Variants in WASF2 observed in about 807,000 individuals in gnomAD.
WASF2 encodes the protein WASP family member 2.
WASF2 carries 14 observed loss-of-function variants against 45.0 expected under a neutral mutation model. The observed-to-expected ratio is 0.31, with a 90% confidence interval of 0.21 to 0.49. The LOEUF (loss-of-function observed/expected upper bound fraction) is 0.49. Ranked by LOEUF, WASF2 falls within the 20% of genes least tolerant of loss-of-function variation. The pLI, the probability that WASF2 is intolerant of heterozygous loss-of-function variation, is 0.99. For synonymous variants in WASF2, 200 were observed against 236.3 expected, an observed-to-expected ratio of 0.85 and a Z score of 1.41; for missense variants, 439 against 636.1, an observed-to-expected ratio of 0.69 and a Z score of 3.33.
intron 1 of WASF2, among the ~76,000 whole-genome samples, chr1:27,437,404 C>T (rs1216812753): frequency 6.6e-6 from 1 of 152,128 alleles, no homozygotes; most frequent in Non-Finnish European, 1.5e-5. Flanking sequence ...CCCTCTAGTC[C>T]AGCTGTAAAC....
At chr1:27,442,990 CAAAAA>C (rs782114128) in intron 1 of WASF2, among the ~76,000 whole-genome samples, 1 of 64,240 alleles carries the variant, frequency 1.6e-5, no homozygotes, top group Admixed American at 1.9e-4. Flanking sequence ...GACTCTGTCT[CAAAAA>C]AAAAAAAAAA....
intron 3 of WASF2, 114 bp from the exon 4 acceptor site, chr1:27,418,536 A>T: frequency 7.0e-7 from 1 of 1,437,610 alleles, no homozygotes. Context: ...GGCTGTCCGC[A>T]GCCAGGCTTT....
intron 1 of WASF2, among the ~76,000 whole-genome samples, chr1:27,477,048 C>T (rs2017775375): frequency 6.6e-6 from 1 of 152,176 alleles, no homozygotes; most frequent in East Asian, 1.9e-4. Context: ...AAAATACTGG[C>T]TGTCATTATG....
intron 1 of WASF2, among the ~76,000 whole-genome samples, chr1:27,462,133 G>T (rs1232110321): frequency 2.0e-5 from 3 of 151,526 alleles, no homozygotes; most frequent in Non-Finnish European, 2.9e-5. Context: ...ACATGCCACC[G>T]TTCCCGGCGA....
At chr1:27,433,162 T>G (rs2017089096) in intron 1 of WASF2, among the ~76,000 whole-genome samples, 1 of 152,340 alleles carries the variant, frequency 6.6e-6, no homozygotes, top group East Asian at 1.9e-4. Context: ...ACTCTAGCCT[T>G]CAAAGGAATT....
At chr1:27,456,104 C>T (rs1412826336) in intron 1 of WASF2, among the ~76,000 whole-genome samples, 1 of 152,114 alleles carries the variant, frequency 6.6e-6, no homozygotes, top group African/African-American at 2.4e-5. Flanking sequence ...AGGCGGATCA[C>T]GAGGTCAGAA....
At chr1:27,427,329 G>A (rs2017000654) in intron 2 of WASF2, among the ~76,000 whole-genome samples, 1 of 152,210 alleles carries the variant, frequency 6.6e-6, no homozygotes, top group South Asian at 2.1e-4. Context: ...ACTTCAGTAA[G>A]TGGAAATAAG....
chr1:27,437,920 CA>C (rs1247047124), intron 1 of WASF2, among the ~76,000 whole-genome samples: 16 of 152,108 alleles, frequency 1.1e-4, no homozygotes, highest in African/African-American at 3.6e-4. Context: ...CAAACCTCAA[CA>C]AATCAGTTCA....
At chr1:27,455,848 A>G (rs1002897370) in intron 1 of WASF2, among the ~76,000 whole-genome samples, 4 of 152,178 alleles carry the variant, frequency 2.6e-5, no homozygotes, top group Non-Finnish European at 5.9e-5. Context: ...TTACTTTATT[A>G]TAGAATCCAT....
chr1:27,408,135 A>C lies in WASF2; in HGVS notation c.*54T>G. The C allele has an allele frequency of 6.3e-7, 1 of 1,586,868 alleles. No individual in the cohort carries two copies. Among genetic ancestry groups the C allele is most frequent in the South Asian group, 1.1e-5 (1 of 87,478 alleles). ...CTACGGGTCTGTTGGGGTTGGCATCAAAGAAGGCAGGTAGGAAGGAAAGAA... is the reference window on the plus strand; with the variant it reads ...CTACGGGTCTGTTGGGGTTGGCATCCAAGAAGGCAGGTAGGAAGGAAAGAA... On this transcript the variant is annotated 3_prime_UTR_variant, in exon 9 of 9. Transcript: ENST00000618852.
chr1:27,473,803 G>A (rs1051072433), intron 1 of WASF2, among the ~76,000 whole-genome samples: 1 of 152,176 alleles, frequency 6.6e-6, no homozygotes, highest in Admixed American at 6.5e-5. Context: ...AGAAAGATAA[G>A]TATTTACCTA....
intron 1 of WASF2, among the ~76,000 whole-genome samples, chr1:27,474,914 T>C (rs549882312): frequency 2.0e-5 from 3 of 152,232 alleles, no homozygotes; most frequent in East Asian, 3.9e-4. Context: ...ATCGCACCAC[T>C]GCACTCCAGC....
chr1:27,477,322 G>C (rs984343474), intron 1 of WASF2, among the ~76,000 whole-genome samples: 3 of 151,710 alleles, frequency 2.0e-5, no homozygotes, highest in Non-Finnish European at 4.4e-5. Context: ...GGCAGATCAC[G>C]TGAGGCCAGG....
chr1:27,487,524 ATT>A (rs1176472455), intron 1 of WASF2, among the ~76,000 whole-genome samples: 1 of 109,626 alleles, frequency 9.1e-6, no homozygotes, highest in African/African-American at 3.6e-5. Context: ...TATTATATAT[ATT>A]TTATACAATA....
At position 27,468,718 on chromosome 1, in the gene WASF2, G is replaced by A. The variant is rs12037274; in HGVS notation, c.-44+21268C>T. ...AAAGAGGCCGGGCACGGTGGTTCAC[G>A]CCTGTAATCCCAGCACTTTGGGAGG... On this transcript the variant is annotated intron_variant, in intron 1 of 8. Transcript: ENST00000618852. 4.0e-5 allele frequency among the ~76,000 whole-genome samples: 6 copies of A among 151,000 alleles called. No individual in the cohort carries two copies. The East Asian group carries it at 5.9e-4, about 15-fold the overall frequency.
chr1:27,413,997 A>G (rs1458664005), intron 6 of WASF2, among the ~76,000 whole-genome samples: 1 of 152,226 alleles, frequency 6.6e-6, no homozygotes, highest in South Asian at 2.1e-4. Flanking sequence ...TTTTCATGGT[A>G]GAGTTATTTC....
intron 2 of WASF2, among the ~76,000 whole-genome samples, chr1:27,425,074 C>A (rs534485445): frequency 3.3e-5 from 5 of 152,146 alleles, no homozygotes; most frequent in Non-Finnish European, 7.3e-5. Flanking sequence ...ATAATTCATT[C>A]TTTTTTGCTT....
In WASF2 at chr1:27,404,534, G is replaced by C. The variant is rs1415162141; in HGVS notation, c.*3655C>G. On this transcript the variant is annotated 3_prime_UTR_variant, in exon 9 of 9. Coordinates refer to ENST00000618852, the MANE Select transcript of WASF2 (RefSeq NM_006990.5). ...TCCCATCCTCAGGGGAAGAGTGCCT[G>C]TTTTCAAACGGCATCCCTACTACAC... is the stretch of plus-strand genomic sequence containing the variant. 6.6e-6 allele frequency: 1 copy of C among 152,156 alleles called. No homozygotes were observed. The highest frequency in any genetic ancestry group is 1.5e-5 in the Non-Finnish European group (1 of 68,028). 9.4% of individuals were successfully genotyped at this position (152,156 alleles called of 1,614,324 possible).
chr1:27,413,773 C>G (rs1239452342), intron 6 of WASF2, among the ~76,000 whole-genome samples: 1 of 152,190 alleles, frequency 6.6e-6, no homozygotes, highest in Non-Finnish European at 1.5e-5. Flanking sequence ...GTCATTGAAC[C>G]TATGACAAGT....
Sources: allele counts gnomAD v4.1 joint callset (sites outside exome capture counted in the v4.1 genomes callset), GRCh38; gene constraint gnomAD v4.1.1; transcripts MANE v1.5; gene names NCBI Gene and HGNC (gene_info 2026-07-23, HGNC 2026-07-21).